TUSC3: variants seen among roughly 807,000 people sequenced by gnomAD.
The protein encoded by TUSC3 is dolichyl-diphosphooligosaccharide--protein glycosyltransferase subunit TUSC3.
A neutral mutation model predicts 44.8 loss-of-function variants in TUSC3; 45 were observed. That is an observed-to-expected ratio of 1.00 (90% CI 0.79 to 1.29). The LOEUF (loss-of-function observed/expected upper bound fraction) is 1.29. TUSC3 is among the 50% of genes most tolerant of loss of function. The probability of loss-of-function intolerance (pLI) is 0.00; values close to 1 mark genes in which losing one functional copy is unlikely to be tolerated. For synonymous variants in TUSC3, 212 were observed against 152.9 expected (o/e 1.39, Z -2.85); for missense variants, 519 against 437.9 (o/e 1.19, Z -1.65).
chr8:15,587,896 T>C (rs1803663663), intron 1 of TUSC3, among the ~76,000 whole-genome samples: 1 of 152,144 alleles, frequency 6.6e-6, no homozygotes, highest in African/African-American at 2.4e-5. Context: ...AATGACAGGA[T>C]TTCATCTTTA....
intron 1 of TUSC3, among the ~76,000 whole-genome samples, chr8:15,614,321 T>C (rs1804893498): frequency 6.6e-6 from 1 of 152,150 alleles, no homozygotes; most frequent in Non-Finnish European, 1.5e-5. Flanking sequence ...TTTCTTAACA[T>C]GCACTCATTT....
chr8:15,751,889 A>G (rs765698968), intron 9 of TUSC3, among the ~76,000 whole-genome samples: 19 of 152,182 alleles, frequency 1.2e-4, no homozygotes, highest in Non-Finnish European at 2.4e-4. Context: ...ATAGTTACCC[A>G]GGTAAATCTG....
At chr8:15,511,158 C>T (rs1801130050) in intron 2 of TUSC3, among the ~76,000 whole-genome samples, 1 of 152,062 alleles carries the variant, frequency 6.6e-6, no homozygotes, top group Admixed American at 6.6e-5. Flanking sequence ...AATGCTTTCT[C>T]CCATAAGTTC....
At chr8:15,576,085 C>G (rs1803094049) in intron 1 of TUSC3, among the ~76,000 whole-genome samples, 2 of 151,568 alleles carry the variant, frequency 1.3e-5, no homozygotes, top group South Asian at 2.1e-4. Context: ...ACTAAAGTTT[C>G]CATTTTAATT....
the TUSC3 span, among the ~76,000 whole-genome samples, chr8:15,800,957 C>G: frequency 3.9e-5 from 6 of 152,262 alleles, no homozygotes; most frequent in African/African-American, 1.2e-4. Context: ...ATTTATTGAG[C>G]TCTTATTACA....
intron 1 of TUSC3, among the ~76,000 whole-genome samples, chr8:15,601,279 T>C (rs959041978): frequency 2.0e-5 from 3 of 151,440 alleles, no homozygotes; most frequent in Admixed American, 6.6e-5. Context: ...ATGCATTGTT[T>C]CCCCCCCGTT....
intron 2 of TUSC3, among the ~76,000 whole-genome samples, chr8:15,490,057 G>A (rs1254792449): frequency 6.6e-6 from 1 of 152,122 alleles, no homozygotes; most frequent in Non-Finnish European, 1.5e-5. Context: ...CAAGAACATG[G>A]TGTCCTTAAG....
the TUSC3 span, among the ~76,000 whole-genome samples, chr8:15,790,376 G>C: frequency 6.6e-6 from 1 of 151,874 alleles, no homozygotes; most frequent in African/African-American, 2.4e-5. Context: ...GTAGAGATAG[G>C]GTTTCACCAT....
At chr8:15,533,951 T>C (rs991588106) in intron 2 of TUSC3, among the ~76,000 whole-genome samples, 1 of 152,134 alleles carries the variant, frequency 6.6e-6, no homozygotes, top group Admixed American at 6.5e-5. Flanking sequence ...TGGTTTATGG[T>C]GATGGCTGAC....
At chr8:15,534,560 A>T (rs1433139506) in intron 2 of TUSC3, among the ~76,000 whole-genome samples, 2 of 150,364 alleles carry the variant, frequency 1.3e-5, no homozygotes, top group African/African-American at 4.9e-5. Flanking sequence ...GGAGAATGGC[A>T]TGAACCTGGG....
At chr8:15,506,805 C>G (rs1193132314) in intron 2 of TUSC3, among the ~76,000 whole-genome samples, 2 of 152,104 alleles carry the variant, frequency 1.3e-5, no homozygotes, top group Admixed American at 6.5e-5. Context: ...TTCGGTGGGT[C>G]AAACCAAATC....
chr8:15,696,246 C>T (rs1809159135), intron 6 of TUSC3, among the ~76,000 whole-genome samples: 1 of 152,162 alleles, frequency 6.6e-6, no homozygotes, highest in East Asian at 1.9e-4. Flanking sequence ...ATCCTTGCTG[C>T]TCCAGCTGAG....
intron 2 of TUSC3, among the ~76,000 whole-genome samples, chr8:15,520,786 C>T (rs1801286843): frequency 6.6e-6 from 1 of 152,208 alleles, no homozygotes; most frequent in Non-Finnish European, 1.5e-5. Context: ...ATTCAACAAA[C>T]ATACAGTAAG....
At chr8:15,593,284 C>G (rs1054415561) in intron 1 of TUSC3, among the ~76,000 whole-genome samples, 34 of 152,078 alleles carry the variant, frequency 2.2e-4, no homozygotes, top group African/African-American at 8.0e-4. Flanking sequence ...CAGGGTTTCA[C>G]CATGTTTACC....
chr8:15,480,547 T>C (rs1800644458), intron 1 of TUSC3, among the ~76,000 whole-genome samples: 3 of 152,318 alleles, frequency 2.0e-5, no homozygotes, highest in African/African-American at 4.8e-5. Context: ...TCTGATTTGA[T>C]TCTTTCTTAA....
intron 2 of TUSC3, among the ~76,000 whole-genome samples, chr8:15,644,848 C>T (rs1806556471): frequency 6.6e-6 from 1 of 151,984 alleles, no homozygotes; most frequent in African/African-American, 2.4e-5. Context: ...CCCCCATTTG[C>T]CTTGTCATTA....
intron 1 of TUSC3, among the ~76,000 whole-genome samples, chr8:15,582,029 C>G (rs563207938): frequency 6.6e-6 from 1 of 151,994 alleles, no homozygotes; most frequent in Non-Finnish European, 1.5e-5. Flanking sequence ...CTTTTTAAGC[C>G]GGTCTGAAAA....
intron 8 of TUSC3, among the ~76,000 whole-genome samples, chr8:15,744,943 G>T (rs986810146): frequency 1.6e-4 from 25 of 151,928 alleles, no homozygotes; most frequent in African/African-American, 5.5e-4. Flanking sequence ...CAACCTACAC[G>T]CTCCTCACTC....
At chr8:15,471,328 C>T (rs1285986393) in intron 1 of TUSC3, among the ~76,000 whole-genome samples, 1 of 152,112 alleles carries the variant, frequency 6.6e-6, no homozygotes, top group East Asian at 1.9e-4. Context: ...TTAGAAACTT[C>T]ACTCTTGTTA....
Sources: gnomAD v4.1 joint callset for allele counts (sites outside exome capture counted in the v4.1 genomes callset) on GRCh38, gnomAD v4.1.1 for gene constraint, MANE v1.5 for transcripts, NCBI Gene and HGNC (gene_info 2026-07-23, HGNC 2026-07-21) for gene names.